JAKMIP1: variants seen among roughly 807,000 people sequenced by gnomAD.
JAKMIP1 encodes janus kinase and microtubule interacting protein 1, also known as janus kinase and microtubule-interacting protein 1.
A neutral mutation model predicts 113.0 loss-of-function variants in JAKMIP1; 33 were observed. That is an observed-to-expected ratio of 0.29 (90% confidence interval 0.22 to 0.39). The LOEUF (loss-of-function observed/expected upper bound fraction) is 0.39. JAKMIP1 is among the 10% of genes least tolerant of loss of function. The pLI is 1.00. For missense variants in JAKMIP1, 813 were observed against 1,080.5 expected, an observed-to-expected ratio of 0.75 and a Z score of 3.47; for synonymous variants, 480 against 459.9, an observed-to-expected ratio of 1.04 and a Z score of -0.56.
chr4:6,139,911 C>A lies in JAKMIP1; in HGVS notation c.-147-26914G>T, dbSNP rs534407726. Among the ~76,000 whole-genome samples, 187 of 152,230 alleles carry A rather than the reference C, an allele frequency of 1.2e-3. 1 individual carries two copies. Among genetic ancestry groups the A allele is most frequent in the African/African-American group, 4.5e-3 (186 of 41,492 alleles). On this transcript the variant is annotated intron_variant, in intron 1 of 20. Coordinates refer to ENST00000409021, the MANE Select transcript of JAKMIP1 (RefSeq NM_001099433.2). This position sits in a 1 kb window ranked among gnomAD's most constrained non-coding sequence, Gnocchi z 5.2. ...AGCCAAGGAATACCAAGGACTGCCA[C>A]CAAAGCACAGGAAGCCAGGGGAGAG... is the stretch of plus-strand genomic sequence containing the variant.
At chr4:6,148,190 A>AC (rs1721091898) in intron 1 of JAKMIP1, among the ~76,000 whole-genome samples, 1 of 152,158 alleles carries the variant, frequency 6.6e-6, no homozygotes, top group Admixed American at 6.5e-5. Context: ...ACTCTCGTGT[A>AC]CCCCCAAGTT....
chr4:6,064,019 CCTTCCCACTCTTGCT>C lies in JAKMIP1; in HGVS notation c.1431+846_1431+860del, dbSNP rs1717692950. Among the ~76,000 whole-genome samples, 1 of 152,216 alleles carries C rather than the reference CCTTCCCACTCTTGCT, an allele frequency of 6.6e-6. No individual in the cohort carries two copies. The highest frequency in any genetic ancestry group is 2.1e-4 in the South Asian group (1 of 4,826). On this transcript the variant is annotated intron_variant, in intron 9 of 20. Coordinates refer to ENST00000409021, the MANE Select transcript of JAKMIP1 (RefSeq NM_001099433.2). The surrounding 1 kb of genome is among the most constrained non-coding windows in gnomAD (Gnocchi z 4.3). ...CAGCTGCCCCGGCATATCCGCACCC[CCTTCCCACTCTTGCT>C]CTTCCCTGGGCTCAGAAAAAGCCAC...
chr4:6,122,003 A>G (rs1044806925), intron 1 of JAKMIP1, among the ~76,000 whole-genome samples: 1 of 152,246 alleles, frequency 6.6e-6, no homozygotes, highest in Non-Finnish European at 1.5e-5. Context: ...TACGCTGTAT[A>G]TATGTGCATT....
intron 2 of JAKMIP1, among the ~76,000 whole-genome samples, chr4:6,110,487 C>T (rs1037671312): frequency 2.6e-5 from 4 of 151,392 alleles, no homozygotes; most frequent in African/African-American, 4.9e-5. Context: ...TCCCCGCCCT[C>T]TCCAGCCCTT....
chr4:6,134,771 C>T (rs1322194573), intron 1 of JAKMIP1, among the ~76,000 whole-genome samples: 1 of 152,222 alleles, frequency 6.6e-6, no homozygotes, highest in Non-Finnish European at 1.5e-5. Flanking sequence ...CCACAATGCC[C>T]TCTTTCACAC....
chr4:6,118,585 C>T (rs898586251), intron 1 of JAKMIP1, among the ~76,000 whole-genome samples: 7 of 152,154 alleles, frequency 4.6e-5, no homozygotes, highest in African/African-American at 1.7e-4. Flanking sequence ...ATGCCCACCA[C>T]CAATATCTGC....
intron 1 of JAKMIP1, among the ~76,000 whole-genome samples, chr4:6,148,349 C>T (rs538506034): frequency 2.6e-5 from 4 of 152,310 alleles, no homozygotes; most frequent in East Asian, 1.9e-4. Flanking sequence ...ATTTTCCTAG[C>T]GCAGAAGAGT....
At chr4:6,071,627 T>C (rs918777911) in intron 8 of JAKMIP1, among the ~76,000 whole-genome samples, 3 of 152,210 alleles carry the variant, frequency 2.0e-5, no homozygotes, top group Non-Finnish European at 4.4e-5. Context: ...CCCATGGTGT[T>C]TGCTACCCTG....
rs1232160755 is a variant in JAKMIP1 at position 6,094,807 on chromosome 4, A to T, written c.625-9178T>A. ...TCAGGAGTTCAAGACCAGCCTGGGC[A>T]ACATGGAGAAACCTTGTCTCTGCAA... On this transcript the variant is annotated intron_variant, in intron 3 of 20. Coordinates refer to ENST00000409021, the MANE Select transcript of JAKMIP1 (RefSeq NM_001099433.2). The surrounding 1 kb of genome is among the most constrained non-coding windows in gnomAD (Gnocchi z 4.2). Among the ~76,000 whole-genome samples, 2 of 152,160 alleles carry T rather than the reference A, an allele frequency of 1.3e-5. No individual in the cohort carries two copies. The highest frequency in any genetic ancestry group is 2.9e-5 in the Non-Finnish European group (2 of 68,036).
intron 19 of JAKMIP1, among the ~76,000 whole-genome samples, chr4:6,032,798 T>C (rs1455208322): frequency 6.6e-6 from 1 of 151,948 alleles, no homozygotes; most frequent in Admixed American, 6.5e-5. Context: ...GCTTCGAAGG[T>C]CAGACTAAGC....
intron 1 of JAKMIP1, among the ~76,000 whole-genome samples, chr4:6,161,897 T>C (rs1242696559): frequency 6.6e-6 from 1 of 152,026 alleles, no homozygotes; most frequent in African/African-American, 2.4e-5. Context: ...AAACAAGATA[T>C]GTTTGAAAGC....
At position 6,167,385 on chromosome 4, in the gene JAKMIP1, C is replaced by G. The variant is rs1259609221; in HGVS notation, c.-148+32868G>C. ...CTGGACCACTCCAGCCACCTCCTCACTCACCACCCTACCCTCAACTTCTCC... is the reference window on the plus strand; with the variant it reads ...CTGGACCACTCCAGCCACCTCCTCAGTCACCACCCTACCCTCAACTTCTCC... On this transcript the variant is annotated intron_variant, in intron 1 of 20. Coordinates refer to ENST00000409021, the MANE Select transcript of JAKMIP1 (RefSeq NM_001099433.2). This position sits in a 1 kb window ranked among gnomAD's most constrained non-coding sequence, Gnocchi z 5.3. 1.3e-5 allele frequency among the ~76,000 whole-genome samples: 2 copies of G among 152,034 alleles called. No homozygotes were observed. The highest frequency in any genetic ancestry group is 2.9e-5 in the Non-Finnish European group (2 of 68,008).
intron 1 of JAKMIP1, among the ~76,000 whole-genome samples, chr4:6,148,222 G>A (rs529863888): frequency 5.3e-5 from 8 of 152,342 alleles, no homozygotes; most frequent in African/African-American, 1.7e-4. Context: ...GGAGTGGACT[G>A]ATATGATGGC....
chr4:6,121,842 C>T (rs778255018), intron 1 of JAKMIP1, among the ~76,000 whole-genome samples: 2 of 152,200 alleles, frequency 1.3e-5, no homozygotes, highest in Non-Finnish European at 2.9e-5. Flanking sequence ...CAAACAAAAG[C>T]CATCTGTGGA....
Position 6,042,903 on chromosome 4 carries a change from C to T in JAKMIP1, c.2029-676G>A, listed in dbSNP as rs1490529374. 1.3e-5 allele frequency among the ~76,000 whole-genome samples: 2 copies of T among 151,970 alleles called. No homozygotes were observed. The highest frequency in any genetic ancestry group is 4.2e-4 in the South Asian group (2 of 4,802). On this transcript the variant is annotated intron_variant, in intron 16 of 20. Transcript: ENST00000409021. This position sits in a 1 kb window ranked among gnomAD's most constrained non-coding sequence, Gnocchi z 5.2. ...GCACGGAGAGTACGGGGTGAACAGG[C>T]GGGGCGTGCACCTGAGCGGCAGGTA...
Position 6,147,609 on chromosome 4 carries a change from C to T in JAKMIP1, c.-147-34612G>A, listed in dbSNP as rs557204959. On this transcript the variant is annotated intron_variant, in intron 1 of 20. Transcript: ENST00000409021. Reference sequence around the variant, plus strand: ...CAGGATCCAGCTCAAGCCTGCTGGCCAGGCAAACAAAGCCCTAACCATCTG... The same window carrying T: ...CAGGATCCAGCTCAAGCCTGCTGGCTAGGCAAACAAAGCCCTAACCATCTG... Among the ~76,000 whole-genome samples, 3 of 152,312 alleles carry T rather than the reference C, an allele frequency of 2.0e-5. No homozygotes were observed. The South Asian group carries it at 6.2e-4, about 32-fold the overall frequency.
At chr4:6,098,080 T>C (rs1309293353) in intron 3 of JAKMIP1, among the ~76,000 whole-genome samples, 1 of 152,240 alleles carries the variant, frequency 6.6e-6, no homozygotes, top group African/African-American at 2.4e-5. Flanking sequence ...AACAAGGTGC[T>C]GTCCAAAACC....
chr4:6,191,029 T>C (rs1727198902), intron 1 of JAKMIP1, among the ~76,000 whole-genome samples: 2 of 152,154 alleles, frequency 1.3e-5, no homozygotes, highest in South Asian at 2.1e-4. Flanking sequence ...GCTTTGCCCA[T>C]ACTGGGGGAT....
intron 1 of JAKMIP1, among the ~76,000 whole-genome samples, chr4:6,118,786 G>C (rs957222720): frequency 3.3e-5 from 5 of 152,170 alleles, no homozygotes; most frequent in Non-Finnish European, 5.9e-5. Context: ...TGGCCAATGA[G>C]GGCTGAGGCG....
Sources: allele counts gnomAD v4.1 joint callset (sites outside exome capture counted in the v4.1 genomes callset), GRCh38; gene constraint gnomAD v4.1.1; non-coding constraint Gnocchi (gnomAD v3.1); transcripts MANE v1.5; gene names NCBI Gene and HGNC (gene_info 2026-07-23, HGNC 2026-07-21).